The following ITGBL1 variants were observed in gnomAD, a reference collection of about 807,000 sequenced individuals.
ITGBL1 encodes integrin beta-like protein 1.
In ITGBL1, 51 loss-of-function variants were observed where a neutral mutation model predicts 68.5. The ratio of observed to expected loss-of-function variants is 0.74; its 90% CI spans 0.59 to 0.94. ITGBL1 has a LOEUF of 0.94. Among genes scored for constraint, ITGBL1 ranks in the 40% least tolerant of loss-of-function variants. ITGBL1 has a pLI of 0.00. For missense variants in ITGBL1, 649 were observed against 647.4 expected, an observed-to-expected ratio of 1.00 and a Z score of -0.03; for synonymous variants, 209 against 227.3, an observed-to-expected ratio of 0.92 and a Z score of 0.72.
chr13:101,700,949 G>T (rs115176749), intron 8 of ITGBL1, among the ~76,000 whole-genome samples: 2 of 152,032 alleles, frequency 1.3e-5, no homozygotes, highest in African/African-American at 4.8e-5. Context: ...GTTGCTTATC[G>T]TTATTTTCTT....
intron 2 of ITGBL1, among the ~76,000 whole-genome samples, chr13:101,521,639 A>G (rs1376056091): frequency 6.6e-6 from 1 of 152,002 alleles, no homozygotes; most frequent in Non-Finnish European, 1.5e-5. Context: ...GAAGACCTGG[A>G]CAGAAGAGGA....
intron 2 of ITGBL1, among the ~76,000 whole-genome samples, chr13:101,507,756 T>C (rs1330071258): frequency 6.6e-6 from 1 of 152,154 alleles, no homozygotes; most frequent in South Asian, 2.1e-4. Flanking sequence ...AAAATAGATA[T>C]AATGAGGTCA....
At chr13:101,640,474 A>AT (rs1445026266) in intron 7 of ITGBL1, among the ~76,000 whole-genome samples, 2 of 152,104 alleles carry the variant, frequency 1.3e-5, no homozygotes, top group Non-Finnish European at 2.9e-5. Flanking sequence ...ACCTGGGTAC[A>AT]TTTTTTACTA....
chr13:101,502,010 C>T (rs1269730606), intron 2 of ITGBL1, among the ~76,000 whole-genome samples: 2 of 151,978 alleles, frequency 1.3e-5, no homozygotes, highest in East Asian at 1.9e-4. Context: ...GGGTGAGCCT[C>T]ATCGTTGAAA....
intron 2 of ITGBL1, among the ~76,000 whole-genome samples, chr13:101,552,392 A>T (rs2049935591): frequency 6.6e-6 from 1 of 152,168 alleles, no homozygotes; most frequent in East Asian, 1.9e-4. Flanking sequence ...TTGTCCATGA[A>T]TTGCTTTGTA....
chr13:101,453,555 A>T (rs1191531367), intron 1 of ITGBL1, among the ~76,000 whole-genome samples: 1 of 152,216 alleles, frequency 6.6e-6, no homozygotes, highest in Non-Finnish European at 1.5e-5. Flanking sequence ...TTTAATCTAA[A>T]TGTGCATATA....
intron 2 of ITGBL1, among the ~76,000 whole-genome samples, chr13:101,530,108 C>G (rs1446908637): frequency 6.6e-6 from 1 of 152,094 alleles, no homozygotes; most frequent in African/African-American, 2.4e-5. Context: ...AGGTGGTACA[C>G]ATTAAACACT....
intron 3 of ITGBL1, among the ~76,000 whole-genome samples, chr13:101,574,064 C>T (rs2050315432): frequency 6.6e-6 from 1 of 152,116 alleles, no homozygotes; most frequent in South Asian, 2.1e-4. Flanking sequence ...TATGCTATTG[C>T]TTCATCTAGT....
At chr13:101,556,079 C>A (rs972868334) in intron 2 of ITGBL1, among the ~76,000 whole-genome samples, 2 of 152,110 alleles carry the variant, frequency 1.3e-5, no homozygotes, top group African/African-American at 4.8e-5. Context: ...GTGCTTTGTG[C>A]ATACTGACTT....
chr13:101,497,735 G>T (rs978269723), intron 2 of ITGBL1, among the ~76,000 whole-genome samples: 5 of 152,166 alleles, frequency 3.3e-5, no homozygotes, highest in African/African-American at 4.8e-5. Context: ...ACCATGTCAC[G>T]CTCCTTAAGG....
rs915649289 is a variant in ITGBL1 at position 101,671,766 on chromosome 13, A to G, written c.1016-20819A>G. On this transcript the variant is annotated intron_variant, in intron 7 of 10. Transcript: ENST00000376180. The stretch of plus-strand genomic sequence containing the variant: ...AGTATACCTTTGTAAACTAAAGTGG[A>G]AAAATTTACTTTTTATCCCTATTTG... 1.2e-4 allele frequency among the ~76,000 whole-genome samples: 19 copies of G among 152,290 alleles called. No homozygotes were observed. The East Asian group carries it at 3.3e-3, about 26-fold the overall frequency.
chr13:101,563,733 G>C (rs1377466502), intron 2 of ITGBL1, among the ~76,000 whole-genome samples: 1 of 151,814 alleles, frequency 6.6e-6, no homozygotes, highest in East Asian at 1.9e-4. Context: ...ATAAAATAAT[G>C]CTGATTCTAT....
chr13:101,553,623 G>A (rs1023387845), intron 2 of ITGBL1, among the ~76,000 whole-genome samples: 1 of 152,118 alleles, frequency 6.6e-6, no homozygotes, highest in Non-Finnish European at 1.5e-5. Flanking sequence ...GGTGTTGGCA[G>A]ACTTGGTTCC....
At chr13:101,604,851 T>C (rs1453467829) in intron 7 of ITGBL1, among the ~76,000 whole-genome samples, 1 of 11,872 alleles carries the variant, frequency 8.4e-5, no homozygotes, top group Non-Finnish European at 1.9e-4. Context: ...AGGCAATATA[T>C]ATATATATAT....
chr13:101,502,579 A>G (rs1045385615), intron 2 of ITGBL1, among the ~76,000 whole-genome samples: 4 of 152,188 alleles, frequency 2.6e-5, no homozygotes, highest in Non-Finnish European at 5.9e-5. Flanking sequence ...ACTGCTAGTT[A>G]TATGGTTGCT....
At position 101,616,790 on chromosome 13, in the gene ITGBL1, C is replaced by T. The variant is rs1422438633; in HGVS notation, c.1015+18491C>T. Among the ~76,000 whole-genome samples the T allele has an allele frequency of 3.9e-5, 6 of 152,136 alleles. No individual in the cohort carries two copies. In the South Asian group the frequency reaches 6.2e-4, roughly 16 times the overall value. On this transcript the variant is annotated intron_variant, in intron 7 of 10. Transcript: ENST00000376180. ...ACAGGTGTGAGCCGCTGCAGGCAGC[C>T]GATAGCTAGTTTTCTGAGAGGTACT...
chr13:101,656,265 C>G (rs1394578911), intron 7 of ITGBL1, among the ~76,000 whole-genome samples: 1 of 152,102 alleles, frequency 6.6e-6, no homozygotes, highest in African/African-American at 2.4e-5. Context: ...TTAAAAGGTG[C>G]TAGACTTTTA....
At chr13:101,539,579 G>A (rs1328432757) in intron 2 of ITGBL1, among the ~76,000 whole-genome samples, 1 of 151,916 alleles carries the variant, frequency 6.6e-6, no homozygotes, top group East Asian at 1.9e-4. Flanking sequence ...TAATGGGATT[G>A]CTGGGTCAAA....
intron 2 of ITGBL1, among the ~76,000 whole-genome samples, chr13:101,454,382 T>C (rs1412677054): frequency 8.9e-6 from 1 of 112,672 alleles, no homozygotes; most frequent in African/African-American, 4.0e-5. Flanking sequence ...GGGATCTTGC[T>C]ATGTTGCCCT....
Sources: allele counts gnomAD v4.1 joint callset (sites outside exome capture counted in the v4.1 genomes callset), GRCh38; gene constraint gnomAD v4.1.1; transcripts MANE v1.5; gene names NCBI Gene and HGNC (gene_info 2026-07-23, HGNC 2026-07-21).